The following POR variants were observed in gnomAD, a reference collection of about 807,000 sequenced individuals.
POR encodes NADPH--cytochrome P450 reductase.
A neutral mutation model predicts 84.0 loss-of-function variants in POR; 56 were observed. The observed-to-expected ratio is 0.67, with a 90% CI of 0.54 to 0.83. The LOEUF is 0.83. POR is among the 40% of genes least tolerant of loss of function. The pLI is 0.00. For missense variants in POR, 938 were observed against 944.3 expected, an observed-to-expected ratio of 0.99 and a Z score of 0.09; for synonymous variants, 414 against 400.5, an observed-to-expected ratio of 1.03 and a Z score of -0.40.
chr7:75,958,098 A>G (rs1200560437), intron 2 of POR, among the ~76,000 whole-genome samples: 2 of 152,138 alleles, frequency 1.3e-5, no homozygotes, highest in Non-Finnish European at 2.9e-5. Context: ...GTAGGCTCTC[A>G]GGTGTTATGG....
intron 1 of POR, among the ~76,000 whole-genome samples, chr7:75,934,432 A>G (rs934372425): frequency 6.6e-6 from 1 of 152,182 alleles, no homozygotes; most frequent in Non-Finnish European, 1.5e-5. Context: ...GGGAAGCGGA[A>G]TGTAAGTTTG....
intron 12 of POR, 134 bp downstream of exon 12, chr7:75,985,341 A>G (rs1165968793): frequency 3.2e-6 from 4 of 1,241,706 alleles, no homozygotes; most frequent in Non-Finnish European, 2.2e-6. Context: ...GCAGCTCCAA[A>G]TGCCTCCCCA....
chr7:75,981,627 G>A, intron 7 of POR, 21 bp downstream of exon 7: 1 of 1,605,504 alleles, frequency 6.2e-7, no homozygotes, highest in East Asian at 2.2e-5. Flanking sequence ...GCCCGCAGGT[G>A]CGGTGGGTGG....
chr7:75,918,405 TC>T (rs1806683993), intron 1 of POR, among the ~76,000 whole-genome samples: 1 of 152,162 alleles, frequency 6.6e-6, no homozygotes, highest in South Asian at 2.1e-4. Context: ...GGGAGAAGCA[TC>T]TGAGTCAGAG....
At chr7:75,925,126 G>A (rs1241482142) in intron 1 of POR, among the ~76,000 whole-genome samples, 1 of 152,178 alleles carries the variant, frequency 6.6e-6, no homozygotes, top group African/African-American at 2.4e-5. Context: ...TGAGCACACA[G>A]CTCTGCCCAG....
chr7:75,944,511 C>A (rs1156304058), intron 1 of POR, among the ~76,000 whole-genome samples: 1 of 152,010 alleles, frequency 6.6e-6, no homozygotes, highest in African/African-American at 2.4e-5. Flanking sequence ...CCAGCCTGGG[C>A]AATAGAGACA....
At chr7:75,962,433 T>C (rs1787979374) in intron 2 of POR, among the ~76,000 whole-genome samples, 2 of 152,152 alleles carry the variant, frequency 1.3e-5, no homozygotes, top group South Asian at 4.1e-4. Flanking sequence ...TAGCTGGGGC[T>C]ACGGGCATGT....
At chr7:75,952,266 G>C (rs1331254666) in intron 1 of POR, among the ~76,000 whole-genome samples, 16 of 147,136 alleles carry the variant, frequency 1.1e-4, no homozygotes, top group Non-Finnish European at 2.1e-4. Flanking sequence ...TCCCGGACGG[G>C]GCGGCTGGCC....
At chr7:75,957,280 C>T (rs1468888143) in intron 2 of POR, among the ~76,000 whole-genome samples, 1 of 152,108 alleles carries the variant, frequency 6.6e-6, no homozygotes, top group Non-Finnish European at 1.5e-5. Context: ...AGAGCCACAC[C>T]CTGAAGCTGA....
chr7:75,927,127 C>G (rs1431827366), intron 1 of POR, among the ~76,000 whole-genome samples: 1 of 152,176 alleles, frequency 6.6e-6, no homozygotes, highest in African/African-American at 2.4e-5. Flanking sequence ...TATCGATTCC[C>G]TGATGTTGGA....
At chr7:75,922,433 C>T (rs1265377563) in intron 1 of POR, among the ~76,000 whole-genome samples, 3 of 151,008 alleles carry the variant, frequency 2.0e-5, no homozygotes, top group African/African-American at 4.9e-5. Context: ...AAGCAATTCT[C>T]GTGCCTCAAC....
intron 1 of POR, among the ~76,000 whole-genome samples, chr7:75,952,668 C>T (rs1239820674): frequency 4.0e-4 from 59 of 147,748 alleles, no homozygotes; most frequent in Non-Finnish European, 5.8e-4. Context: ...CAGAGGCGCT[C>T]CTCACATCCC....
Position 75,981,595 on chromosome 7 carries a change from C to T in POR, c.720C>T (p.Gly240=), listed in dbSNP as rs374115833. 2.0e-5 allele frequency: 33 copies of T among 1,612,698 alleles called. No individual in the cohort carries two copies. Among genetic ancestry groups the T allele is most frequent in the African/African-American group, 8.0e-5 (6 of 74,920 alleles). The stretch of plus-strand genomic sequence containing the variant: ...AACACTTTGGGGTGGAAGCCACTGG[C>T]GAGGAGTCCAGGTGAGCAAGTGCCC... Residue 240 remains glycine (G), a synonymous_variant, in exon 7 of 16, where the codon GGC becomes GGT. Transcript: ENST00000461988.
Position 75,985,608 on chromosome 7 carries a change from G to A in POR, c.1428G>A (p.Ala476=), listed in dbSNP as rs782722572. Residue 476 remains alanine (A), a synonymous_variant, in exon 13 of 16, where the codon GCG becomes GCA. Transcript: ENST00000461988. The stretch of plus-strand genomic sequence containing the variant: ...ACCCCAACTCTGTGCACATCTGTGC[G>A]GTGGTTGTGGAGTACGAGACCAAGG... 3.2e-5 allele frequency: 51 copies of A among 1,579,578 alleles called. 1 individual carries two copies. The highest frequency in any genetic ancestry group is 1.2e-4 in the African/African-American group (9 of 74,478).
chr7:75,923,072 T>C, intron 1 of POR: 1 of 695,698 alleles, frequency 1.4e-6, no homozygotes, highest in East Asian at 2.5e-5. Flanking sequence ...CGGAGAGCCA[T>C]TGCAAGACTT....
intron 8 of POR, 99 bp downstream of exon 8, chr7:75,982,421 T>G: frequency 2.0e-6 from 2 of 1,003,104 alleles, no homozygotes; most frequent in Non-Finnish European, 3.0e-6. Context: ...ACAGGGCCCT[T>G]CTCACCAGAC....
In POR at chr7:75,979,442, C is replaced by A. The variant is rs782358364; in HGVS notation, c.238-9C>A. 1 of 1,612,214 alleles carries A rather than the reference C, an allele frequency of 6.2e-7. No individual in the cohort carries two copies. Among genetic ancestry groups the A allele is most frequent in the Admixed American group, 1.7e-5 (1 of 59,792 alleles). On this transcript the variant is annotated splice_polypyrimidine_tract_variant and intron_variant, in intron 3 of 15. Coordinates refer to ENST00000461988, the MANE Select transcript of POR (RefSeq NM_000941.3). ...TGGCCCTCACCAACCCTGTGTCTGCCTTCCTTAGGGGAGGAACATCATCGT... is the reference window on the plus strand; with the variant it reads ...TGGCCCTCACCAACCCTGTGTCTGCATTCCTTAGGGGAGGAACATCATCGT...
intron 3 of POR, among the ~76,000 whole-genome samples, chr7:75,975,814 A>ATTTTTTTTTTTTTTTTT (rs539245771): frequency 1.2e-5 from 1 of 82,186 alleles, no homozygotes; most frequent in African/African-American, 4.3e-5. Flanking sequence ...AGCTGTTCAG[A>ATTTTTTTTTTTTTTTTT]TTTTTTTTTT....
chr7:75,919,747 G>A (rs947025214), intron 1 of POR, among the ~76,000 whole-genome samples: 10 of 152,086 alleles, frequency 6.6e-5, no homozygotes, highest in Non-Finnish European at 1.2e-4. Context: ...ATGCTTGGAC[G>A]TGTTGTGAAC....
Sources: gnomAD v4.1 joint callset for allele counts (sites outside exome capture counted in the v4.1 genomes callset) on GRCh38, gnomAD v4.1.1 for gene constraint, MANE v1.5 for transcripts, NCBI Gene and HGNC (gene_info 2026-07-23, HGNC 2026-07-21) for gene names.